Variants in HYOU1 observed in about 807,000 individuals in gnomAD.
The protein encoded by HYOU1 is hypoxia up-regulated protein 1.
HYOU1 carries 40 observed loss-of-function variants against 120.5 expected under a neutral mutation model. That is an observed-to-expected ratio of 0.33 (90% confidence interval 0.26 to 0.43). The LOEUF is 0.43. Ranked by LOEUF, HYOU1 falls within the 20% of genes least tolerant of loss-of-function variation. The pLI, the probability that HYOU1 is intolerant of heterozygous loss-of-function variation, is 1.00. For synonymous variants in HYOU1, 501 were observed against 479.4 expected (o/e 1.05, Z -0.59); for missense variants, 1,085 against 1,278.3 (o/e 0.85, Z 2.31).
At position 119,052,755 on chromosome 11, in the gene HYOU1, T is replaced by C; in HGVS notation, c.869A>G (p.Gln290Arg). ...RERLAGLFNE[Q>R]RKGQRAKDVR... ...ATCCTTTGCTCTCTGACCCTTGCGCTGCTCATTGAAAAGCCCAGCCAGGCG... is the reference window on the plus strand; with the variant it reads ...ATCCTTTGCTCTCTGACCCTTGCGCCGCTCATTGAAAAGCCCAGCCAGGCG... The change falls in exon 9 of 26, where the codon CAG (glutamine) becomes CGG (arginine). Residue 290 changes from glutamine (Q) to arginine (R), a missense_variant. Transcript: ENST00000617285. This position sits in a 1 kb window ranked among gnomAD's most constrained non-coding sequence, Gnocchi z 5.0. 1 of 1,614,204 alleles carries C rather than the reference T, an allele frequency of 6.2e-7. No individual in the cohort carries two copies.
chr11:119,046,673 C>A lies in HYOU1; in HGVS notation c.2725G>T (p.Ala909Ser). 2 of 1,614,094 alleles carry A rather than the reference C, an allele frequency of 1.2e-6. No homozygotes were observed. Among genetic ancestry groups the A allele is most frequent in the Non-Finnish European group, 1.7e-6 (2 of 1,180,034 alleles). The change falls in exon 23 of 26, where the codon GCC (alanine) becomes TCC (serine). Residue 909 changes from alanine to serine, a missense_variant. By Grantham distance (99) the Ala-to-Ser change is moderately conservative (BLOSUM62 1). Coordinates refer to ENST00000617285, the MANE Select transcript of HYOU1 (RefSeq NM_006389.5). ...CGGGGCCGGGGCTTGGTAAACTTGG[C>A]CTTATTGAGCAGATACTGCACCTCT... ...DREVQYLLNK[A>S]KFTKPRPRPK...
rs1944619124 is a variant in HYOU1, at chr11:119,054,213, G to A, written c.702C>T (p.Gly234=). Residue 234 remains glycine (G), a synonymous_variant, in exon 8 of 26, where the codon GGC becomes GGT. Coordinates refer to ENST00000617285, the MANE Select transcript of HYOU1 (RefSeq NM_006389.5). Reference sequence around the variant, plus strand: ...CAATGGTGCATACGGTGCTGCCTGAGCCCATGTCATAGAACATGATATTCT... The same window carrying A: ...CAATGGTGCATACGGTGCTGCCTGAACCCATGTCATAGAACATGATATTCT... ...TAQNIMFYDM[G]SGSTVCTIVT... The A allele has an allele frequency of 1.9e-6, 3 of 1,613,734 alleles. No homozygotes were observed. The highest frequency in any genetic ancestry group is 1.7e-6 in the Non-Finnish European group (2 of 1,179,654).
At position 119,049,328 on chromosome 11, in the gene HYOU1, C is replaced by CCT. The variant is rs2133572089; in HGVS notation, c.1807-127_1807-126dup. ...ACTGCTGTATGGAAACGGTCAATGG[C>CCT]CTGCTTGGACTGTGGCAATCTAGCT... On this transcript the variant is annotated intron_variant, in intron 16 of 25. Transcript: ENST00000617285. The CCT allele has an allele frequency of 1.9e-6, 3 of 1,557,416 alleles. No homozygotes were observed. In the South Asian group the frequency reaches 3.5e-5, roughly 18 times the overall value.
intron 22 of HYOU1, chr11:119,047,233 G>C (rs2133555776): frequency 7.7e-5 from 15 of 194,806 alleles, no homozygotes; most frequent in Non-Finnish European, 1.5e-4. Flanking sequence ...ATATTTAGTA[G>C]AGACGGGGTT....
Position 119,051,162 on chromosome 11 carries a change from G to C in HYOU1, c.1538C>G (p.Ser513Cys), listed in dbSNP as rs2133582905. 5.6e-6 allele frequency: 9 copies of C among 1,614,192 alleles called. No homozygotes were observed. The highest frequency in any genetic ancestry group is 8.5e-7 in the Non-Finnish European group (1 of 1,180,032). The part of the protein sequence containing the change: ...LGPEDLRVFG[S>C]QNLTTVKLKG... ...TAGCTTCACTGTGGTCAGATTCTGG[G>C]AGCCAAATACCCTGGTTGGGAAGGA... Residue 513 changes from serine (S) to cysteine (C), a missense_variant, in exon 14 of 26, where the codon TCC becomes TGC. Physicochemically the swap from Ser to Cys is moderately radical, Grantham distance 112. Coordinates refer to ENST00000617285, the MANE Select transcript of HYOU1 (RefSeq NM_006389.5). This position sits in a 1 kb window ranked among gnomAD's most constrained non-coding sequence, Gnocchi z 4.2.
chr11:119,051,784 G>C lies in HYOU1; in HGVS notation c.1338+35C>G, dbSNP rs2133587814. On this transcript the variant is annotated intron_variant, in intron 12 of 25. Coordinates refer to ENST00000617285, the MANE Select transcript of HYOU1 (RefSeq NM_006389.5). The surrounding 1 kb of genome is among the most constrained non-coding windows in gnomAD (Gnocchi z 4.2). The stretch of plus-strand genomic sequence containing the variant: ...GGAAACCCTACTTGGGAGAGGTAAA[G>C]GGAGCTTGTCACCTGCTCAGTCAGG... 6 of 1,612,594 alleles carry C rather than the reference G, an allele frequency of 3.7e-6. No homozygotes were observed. Among genetic ancestry groups the C allele is most frequent in the Non-Finnish European group, 5.1e-6 (6 of 1,178,706 alleles).
chr11:119,048,544 G>T lies in HYOU1; in HGVS notation c.2185C>A (p.Arg729=), dbSNP rs2133565221. 6.2e-7 allele frequency: 1 copy of T among 1,613,980 alleles called. No individual in the cohort carries two copies. The highest frequency in any genetic ancestry group is 1.1e-5 in the South Asian group (1 of 91,074). The change falls in exon 19 of 26, where the codon CGA becomes AGA. Residue 729 remains arginine, a synonymous_variant. Coordinates refer to ENST00000617285, the MANE Select transcript of HYOU1 (RefSeq NM_006389.5). The surrounding 1 kb of genome is among the most constrained non-coding windows in gnomAD (Gnocchi z 4.7). ...TCCCGTTCCTGCTTCTCCAGGTCTC[G>T]GAGTGTCAAGTCCTGAAGTCTATGG... ...SVQKLQDLTL[R]DLEKQEREKA...
At chr11:119,054,430 C>A in intron 7 of HYOU1, 64 bp downstream of exon 7, 1 of 1,538,330 alleles carries the variant, frequency 6.5e-7, no homozygotes, top group Middle Eastern at 1.9e-4. Flanking sequence ...GCAAAAGGGA[C>A]CAAGTGGCCT....
rs2133566936 is a variant in HYOU1 at position 119,048,765 on chromosome 11, A to G, written c.2114T>C (p.Val705Ala). 6.2e-7 allele frequency: 1 copy of G among 1,613,788 alleles called. No homozygotes were observed. Among genetic ancestry groups the G allele is most frequent in the Admixed American group, 1.7e-5 (1 of 59,946 alleles). The change falls in exon 18 of 26, where the codon GTT becomes GCT. Residue 705 changes from valine to alanine, a missense_variant. By Grantham distance (64) the Val-to-Ala change is moderately conservative. This residue lies in a region of HYOU1 where 516 missense variants were observed against 517.1 expected (regional missense o/e 1.00). Transcript: ENST00000617285. This position sits in a 1 kb window ranked among gnomAD's most constrained non-coding sequence, Gnocchi z 4.7. ...MVEEIGVELVVLDLPDLPEDK... is the reference protein window; with the variant it reads ...MVEEIGVELVALDLPDLPEDK... ...CTCTGGCAAGTCAGGCAGGTCCAGA[A>G]CAACCAGCTCCACCCCGATCTCCTC...
chr11:119,047,908 C>T (rs1331126943), intron 21 of HYOU1, 39 bp downstream of exon 21: 1 of 1,613,860 alleles, frequency 6.2e-7, no homozygotes, highest in East Asian at 2.2e-5. Flanking sequence ...AAACCAGTGG[C>T]CTTGGCAGGA....
intron 24 of HYOU1, 149 bp downstream of exon 24, chr11:119,046,268 T>C (rs937149424): frequency 3.5e-5 from 14 of 394,786 alleles, no homozygotes; most frequent in Non-Finnish European, 5.4e-5. Flanking sequence ...GCCTGGCCTT[T>C]TTTTTTTTTT....
intron 1 of HYOU1, chr11:119,056,397 G>A: frequency 1.6e-6 from 1 of 625,182 alleles, no homozygotes. Context: ...CCTCGGCTTT[G>A]CCACATCCCT....
Position 119,048,069 on chromosome 11 carries a change from C to T in HYOU1, c.2388G>A (p.Glu796=). 1 of 1,614,192 alleles carries T rather than the reference C, an allele frequency of 6.2e-7. No individual in the cohort carries two copies. The highest frequency in any genetic ancestry group is 8.5e-7 in the Non-Finnish European group (1 of 1,180,042). ...GVGATTVMLK[E]KLAELRKLCQ... is the part of the protein sequence containing the mutation. ...ACAGCTTCCTCAGCTCAGCCAGCTT[C>T]TCCTTCAACATCTGATGGATGTGCG... is the stretch of plus-strand genomic sequence containing the variant. The change falls in exon 21 of 26, where the codon GAG becomes GAA. Residue 796 remains glutamate (E), a synonymous_variant. Transcript: ENST00000617285. This position sits in a 1 kb window ranked among gnomAD's most constrained non-coding sequence, Gnocchi z 4.7.
In HYOU1 at chr11:119,055,158, G is replaced by A. The variant is rs2133610573; in HGVS notation, c.419+27C>T. 19 of 1,611,516 alleles carry A rather than the reference G, an allele frequency of 1.2e-5. No homozygotes were observed. The highest frequency in any genetic ancestry group is 1.6e-5 in the Non-Finnish European group (19 of 1,178,092). On this transcript the variant is annotated intron_variant, in intron 5 of 25. Coordinates refer to ENST00000617285, the MANE Select transcript of HYOU1 (RefSeq NM_006389.5). This position sits in a 1 kb window ranked among gnomAD's most constrained non-coding sequence, Gnocchi z 4.0. ...ATGAGGAGCCCAGCAGCGTTGCCGAGACCACCTTCCCCAACAGAGCACTCA... is the reference window on the plus strand; with the variant it reads ...ATGAGGAGCCCAGCAGCGTTGCCGAAACCACCTTCCCCAACAGAGCACTCA...
chr11:119,055,881 C>T lies in HYOU1; in HGVS notation c.92-38G>A, dbSNP rs200535299. 5.3e-5 allele frequency: 82 copies of T among 1,556,692 alleles called. No homozygotes were observed. The highest frequency in any genetic ancestry group is 1.7e-4 in the Admixed American group (10 of 59,942). On this transcript the variant is annotated intron_variant, in intron 2 of 25. Transcript: ENST00000617285. This position sits in a 1 kb window ranked among gnomAD's most constrained non-coding sequence, Gnocchi z 4.0. ...GAGGTTTGTCAGTTAGCTCTCCCTT[C>T]GCCCACCTTCCTGGGACTCCCTCTA... is the stretch of plus-strand genomic sequence containing the variant.
At position 119,044,813 on chromosome 11, in the gene HYOU1, G is replaced by A. The variant is rs1050555864; in HGVS notation, c.*780C>T. 4.1e-6 allele frequency: 1 copy of A among 246,228 alleles called. No homozygotes were observed. Among genetic ancestry groups the A allele is most frequent in the South Asian group, 4.7e-5 (1 of 21,232 alleles). 15.3% of individuals were successfully genotyped at this position (246,228 alleles called of 1,614,324 possible). ...ATGCAGATTATGACAGAGCTTGCAC[G>A]ATGCTGGCACCCCATGCCAACCACT... On this transcript the variant is annotated 3_prime_UTR_variant, in exon 26 of 26. Transcript: ENST00000617285.
Position 119,054,225 on chromosome 11 carries a change from G to C in HYOU1, c.690C>G (p.Phe230Leu), listed in dbSNP as rs2133603548. Residue 230 changes from phenylalanine (F) to leucine (L), a missense_variant, in exon 8 of 26, where the codon TTC (phenylalanine) becomes TTG (leucine). By Grantham distance (22) the Phe-to-Leu change is conservative. Coordinates refer to ENST00000617285, the MANE Select transcript of HYOU1 (RefSeq NM_006389.5). ...CGGTGCTGCCTGAGCCCATGTCATA[G>C]AACATGATATTCTGTAGAGATATCA... Reference protein sequence around the residue: ...DINTTAQNIMFYDMGSGSTVC... With the variant: ...DINTTAQNIMLYDMGSGSTVC... 6.2e-7 allele frequency: 1 copy of C among 1,612,644 alleles called. No homozygotes were observed. The highest frequency in any genetic ancestry group is 2.2e-5 in the East Asian group (1 of 44,884).
chr11:119,046,979 A>G, intron 22 of HYOU1, among the ~76,000 whole-genome samples, 177 bp from the exon 23 acceptor site: 1 of 152,178 alleles, frequency 6.6e-6, no homozygotes, highest in East Asian at 1.9e-4. Context: ...GGTTCTCCAC[A>G]ATGAAGTCCC....
rs1436639311 is a variant in HYOU1, at chr11:119,045,592, G to GAT, written c.3000_*1insAT. On this transcript the variant is annotated 3_prime_UTR_variant, in exon 26 of 26. Transcript: ENST00000617285. Reference sequence around the variant, plus strand: ...ATGAATGGGGAAAACAGAGGTGGGGGTTATAGTTCGTCGTTCTTCAAAGGC... The same window carrying GAT: ...ATGAATGGGGAAAACAGAGGTGGGGGATTTATAGTTCGTCGTTCTTCAAAGGC... 2 of 1,613,252 alleles carry GAT rather than the reference G, an allele frequency of 1.2e-6. No homozygotes were observed. The highest frequency in any genetic ancestry group is 1.3e-5 in the African/African-American group (1 of 74,888).
Sources: allele counts gnomAD v4.1 joint callset (sites outside exome capture counted in the v4.1 genomes callset), GRCh38; gene constraint gnomAD v4.1.1; regional missense constraint gnomAD v4.1.1; non-coding constraint Gnocchi (gnomAD v3.1); transcripts MANE v1.5; gene names NCBI Gene and HGNC (gene_info 2026-07-23, HGNC 2026-07-21).